The following PDE1A variants were observed in gnomAD, a reference collection of about 807,000 sequenced individuals.
The protein encoded by PDE1A is dual specificity calcium/calmodulin-dependent 3',5'-cyclic nucleotide phosphodiesterase 1A.
A neutral mutation model predicts 61.7 loss-of-function variants in PDE1A; 35 were observed. That is an observed-to-expected ratio of 0.57 (90% CI 0.43 to 0.75). The LOEUF (loss-of-function observed/expected upper bound fraction) is 0.75. Ranked by LOEUF, PDE1A falls within the 30% of genes least tolerant of loss-of-function variation. The probability of loss-of-function intolerance (pLI) is 0.00; values close to 1 mark genes in which losing one functional copy is unlikely to be tolerated. For missense variants in PDE1A, 597 were observed against 630.6 expected, an observed-to-expected ratio of 0.95 and a Z score of 0.57; for synonymous variants, 232 against 213.2, an observed-to-expected ratio of 1.09 and a Z score of -0.77.
intron 1 of PDE1A, among the ~76,000 whole-genome samples, chr2:182,416,030 C>T (rs373149362): frequency 6.6e-5 from 10 of 152,202 alleles, no homozygotes; most frequent in African/African-American, 2.2e-4. Context: ...GTCAGTGTCC[C>T]GTGTCTCTTT....
At chr2:182,238,380 G>A (rs1390687079) in intron 3 of PDE1A, among the ~76,000 whole-genome samples, 2 of 152,014 alleles carry the variant, frequency 1.3e-5, no homozygotes, top group African/African-American at 4.8e-5. Context: ...GAGGAGAGGA[G>A]CCCAGTTAGA....
chr2:182,357,922 T>G (rs1013996499), intron 1 of PDE1A, among the ~76,000 whole-genome samples: 16 of 152,306 alleles, frequency 1.1e-4, no homozygotes, highest in African/African-American at 3.8e-4. Context: ...AAGCAGTTTG[T>G]CCCAAGCTAC....
At chr2:182,471,091 A>G (rs889483817) in intron 2 of PDE1A, among the ~76,000 whole-genome samples, 2 of 151,816 alleles carry the variant, frequency 1.3e-5, no homozygotes, top group African/African-American at 2.4e-5. Flanking sequence ...AAGTGGTAAC[A>G]TGAAAGTCAA....
chr2:182,436,391 T>C (rs1684412951), intron 2 of PDE1A, among the ~76,000 whole-genome samples: 1 of 152,034 alleles, frequency 6.6e-6, no homozygotes, highest in Non-Finnish European at 1.5e-5. Flanking sequence ...AACTCAAAAT[T>C]CAAATTCCAT....
intron 1 of PDE1A, among the ~76,000 whole-genome samples, chr2:182,307,645 C>T (rs1695675913): frequency 6.6e-6 from 1 of 152,108 alleles, no homozygotes; most frequent in South Asian, 2.1e-4. Flanking sequence ...CGTCACAAGC[C>T]TGTCAGAATG....
the PDE1A span, among the ~76,000 whole-genome samples, chr2:182,683,425 T>C: frequency 6.6e-6 from 1 of 152,002 alleles, no homozygotes; most frequent in Non-Finnish European, 1.5e-5. Flanking sequence ...TGACTACACT[T>C]TCTAAATGTG....
intron 2 of PDE1A, among the ~76,000 whole-genome samples, chr2:182,454,432 T>G (rs1373182513): frequency 6.6e-6 from 1 of 152,070 alleles, no homozygotes; most frequent in Non-Finnish European, 1.5e-5. Flanking sequence ...AAAGTTCATA[T>G]GGAACCAAAA....
chr2:182,289,435 A>G (rs1694378820), intron 1 of PDE1A, among the ~76,000 whole-genome samples: 1 of 152,116 alleles, frequency 6.6e-6, no homozygotes, highest in Admixed American at 6.6e-5. Flanking sequence ...ACAGAAGCGG[A>G]GATGCAGTGG....
chr2:182,542,069 CAATT>C, the PDE1A span, among the ~76,000 whole-genome samples: 1 of 152,032 alleles, frequency 6.6e-6, no homozygotes, highest in South Asian at 2.1e-4. Flanking sequence ...GAAAATATCT[CAATT>C]AACCTATTTT....
the PDE1A span, among the ~76,000 whole-genome samples, chr2:182,587,352 GCC>G: frequency 2.6e-5 from 4 of 152,156 alleles, no homozygotes; most frequent in Non-Finnish European, 5.9e-5. Context: ...TTCCATGACA[GCC>G]TAGAACTTCT....
chr2:182,631,618 C>T, the PDE1A span, among the ~76,000 whole-genome samples: 1 of 152,248 alleles, frequency 6.6e-6, no homozygotes, highest in East Asian at 1.9e-4. Context: ...TTAACCATTA[C>T]AGCTTCCTAC....
intron 1 of PDE1A, among the ~76,000 whole-genome samples, chr2:182,356,289 A>G (rs1312685333): frequency 6.6e-6 from 1 of 152,072 alleles, no homozygotes; most frequent in Non-Finnish European, 1.5e-5. Flanking sequence ...TAGTAGCACA[A>G]GTCTAGTTAG....
the PDE1A span, among the ~76,000 whole-genome samples, chr2:182,551,672 G>A: frequency 6.6e-6 from 1 of 152,112 alleles, no homozygotes; most frequent in Non-Finnish European, 1.5e-5. Flanking sequence ...CAGGATTTTA[G>A]GAAATCTGGC....
At chr2:182,560,764 T>C in the PDE1A span, among the ~76,000 whole-genome samples, 4 of 152,024 alleles carry the variant, frequency 2.6e-5, no homozygotes, top group Admixed American at 6.5e-5. Context: ...TTCTAACTAG[T>C]GTGAGATGGT....
chr2:182,626,750 T>C, the PDE1A span, among the ~76,000 whole-genome samples: 282 of 20,698 alleles, frequency 0.014, 36 homozygotes, highest in East Asian at 0.065. Flanking sequence ...TATATATACA[T>C]ATATATATAT....
At position 182,337,386 on chromosome 2, in the gene PDE1A, T is replaced by G. The variant is rs76161343; in HGVS notation, c.54-72972A>C. Among the ~76,000 whole-genome samples, 62 of 152,330 alleles carry G rather than the reference T, an allele frequency of 4.1e-4. No homozygotes were observed. The East Asian group carries it at 5.8e-3, about 14-fold the overall frequency. ...AACCACATTATAATACAGAGTTATG[T>G]TCAATTTACCATCTAAATGGTAGAG... On this transcript the variant is annotated intron_variant, in intron 1 of 13. Coordinates refer to ENST00000351439, the Ensembl canonical transcript of PDE1A.
chr2:182,171,929 C>A (rs2125328305), intron 13 of PDE1A, among the ~76,000 whole-genome samples: 1 of 151,850 alleles, frequency 6.6e-6, no homozygotes, highest in South Asian at 2.1e-4. Context: ...ACTTCCTGTC[C>A]CAGAGTTTTC....
exon 1 of PDE1A, chr2:182,426,723 G>A (rs1171361094): frequency 5.9e-5 from 93 of 1,583,502 alleles, no homozygotes; most frequent in Non-Finnish European, 7.4e-5. Context: ...GTGCTGCAAG[G>A]AGCCCAGAAA....
the PDE1A span, among the ~76,000 whole-genome samples, chr2:182,711,204 A>T: frequency 6.6e-6 from 1 of 152,202 alleles, no homozygotes; most frequent in Admixed American, 6.5e-5. Context: ...TGGAGTAAAC[A>T]GAGCATCTGC....
Sources: gnomAD v4.1 joint callset for allele counts (sites outside exome capture counted in the v4.1 genomes callset) on GRCh38, gnomAD v4.1.1 for gene constraint, MANE v1.5 for transcripts, NCBI Gene and HGNC (gene_info 2026-07-23, HGNC 2026-07-21) for gene names.